Variants in NFATC3 observed in about 807,000 individuals in gnomAD.
NFATC3 encodes nuclear factor of activated T-cells, cytoplasmic 3.
NFATC3 carries 46 observed loss-of-function variants against 98.6 expected under a neutral mutation model. The observed-to-expected ratio is 0.47, with a 90% CI of 0.37 to 0.60. The LOEUF is 0.60. Ranked by LOEUF, NFATC3 falls within the 20% of genes least tolerant of loss-of-function variation. The pLI, the probability that NFATC3 is intolerant of heterozygous loss-of-function variation, is 0.00. For missense variants in NFATC3, 1,256 were observed against 1,295.5 expected, an observed-to-expected ratio of 0.97 and a Z score of 0.47; for synonymous variants, 512 against 472.2, an observed-to-expected ratio of 1.08 and a Z score of -1.09.
intron 6 of NFATC3, among the ~76,000 whole-genome samples, chr16:68,177,595 TTTA>T (rs1246941316): frequency 5.9e-5 from 9 of 152,114 alleles, no homozygotes; most frequent in Non-Finnish European, 5.9e-5. Context: ...TTTTACTTTT[TTTA>T]TTATGTTTTT....
intron 7 of NFATC3, 90 bp downstream of exon 7, chr16:68,181,620 G>C (rs540168480): frequency 1.5e-4 from 146 of 967,370 alleles, no homozygotes; most frequent in Middle Eastern, 5.1e-4. Flanking sequence ...TGACTCTTTT[G>C]TATATTGATT....
In NFATC3 at chr16:68,191,336, A is replaced by G. The variant is rs781627787; in HGVS notation, c.2667A>G (p.Thr889=). Reference sequence around the variant, plus strand: ...CAATGGGATATCATTGTTCAAATACAGGACAAAGATCTCTTTCTTCTCCAG... The same window carrying G: ...CAATGGGATATCATTGTTCAAATACGGGACAAAGATCTCTTTCTTCTCCAG... ...LQSMGYHCSN[T]GQRSLSSPVA... Residue 889 remains threonine, a synonymous_variant, in exon 9 of 10, where the codon ACA becomes ACG. Transcript: ENST00000346183. The G allele has an allele frequency of 6.2e-7, 1 of 1,614,150 alleles. No homozygotes were observed. Among genetic ancestry groups the G allele is most frequent in the Non-Finnish European group, 8.5e-7 (1 of 1,180,018 alleles).
At chr16:68,134,651 C>G (rs972258494) in intron 3 of NFATC3, among the ~76,000 whole-genome samples, 4 of 151,846 alleles carry the variant, frequency 2.6e-5, no homozygotes, top group Non-Finnish European at 4.4e-5. Context: ...AAACTCAGGG[C>G]AAAAAAGGAT....
At chr16:68,183,218 C>G (rs754236601) in intron 7 of NFATC3, 22 bp from the exon 8 acceptor site, 2 of 1,559,420 alleles carry the variant, frequency 1.3e-6, no homozygotes, top group Non-Finnish European at 1.7e-6. Flanking sequence ...GAGTGTAACA[C>G]AATCTTGCTT....
chr16:68,085,843 T>G (rs2034337427), intron 1 of NFATC3, 59 bp downstream of exon 1: 1 of 1,270,140 alleles, frequency 7.9e-7, no homozygotes, highest in African/African-American at 1.6e-5. Context: ...GCAGGATCTC[T>G]CGCTCCCTCC....
chr16:68,155,346 A>G (rs1203894114), intron 3 of NFATC3, among the ~76,000 whole-genome samples: 1 of 152,228 alleles, frequency 6.6e-6, no homozygotes, highest in Admixed American at 6.5e-5. Context: ...GCTGTCATTT[A>G]CAAAGACTGA....
intron 1 of NFATC3, chr16:68,088,898 C>G (rs1392312466): frequency 2.4e-6 from 2 of 819,216 alleles, no homozygotes; most frequent in East Asian, 2.5e-4. Flanking sequence ...TCTGGAACTC[C>G]TGGGCTCTCC....
chr16:68,167,435 G>A (rs1486403987), intron 5 of NFATC3, among the ~76,000 whole-genome samples: 1 of 152,148 alleles, frequency 6.6e-6, no homozygotes, highest in Non-Finnish European at 1.5e-5. Flanking sequence ...AGCTAAATAA[G>A]ACTTAACAGA....
chr16:68,164,169 G>A (rs1422561749), intron 4 of NFATC3, among the ~76,000 whole-genome samples: 2 of 152,250 alleles, frequency 1.3e-5, no homozygotes, highest in African/African-American at 4.8e-5. Context: ...GGAGGCCGAG[G>A]CTGGCGGATC....
At chr16:68,209,078 G>C (rs1041736427) in intron 9 of NFATC3, among the ~76,000 whole-genome samples, 3 of 152,142 alleles carry the variant, frequency 2.0e-5, no homozygotes, top group Admixed American at 6.5e-5. Flanking sequence ...TGTGATCTTA[G>C]GGGGAAAGCT....
intron 6 of NFATC3, 86 bp from the exon 7 acceptor site, chr16:68,181,389 A>G: frequency 1.1e-6 from 1 of 895,872 alleles, no homozygotes; most frequent in Non-Finnish European, 1.8e-6. Context: ...TTGTTAATAA[A>G]TTTGTGATAC....
chr16:68,217,656 A>G, intron 9 of NFATC3: 1 of 1,231,244 alleles, frequency 8.1e-7, no homozygotes, highest in Non-Finnish European at 1.0e-6. Flanking sequence ...CTCACACCTC[A>G]TGATAATTCA....
At chr16:68,162,114 C>T (rs1164939630) in intron 4 of NFATC3, among the ~76,000 whole-genome samples, 1 of 152,166 alleles carries the variant, frequency 6.6e-6, no homozygotes, top group Non-Finnish European at 1.5e-5. Flanking sequence ...ACACACATAC[C>T]TAAAACTTCT....
intron 1 of NFATC3, among the ~76,000 whole-genome samples, chr16:68,105,845 T>A (rs573136048): frequency 6.6e-6 from 1 of 152,128 alleles, no homozygotes; most frequent in African/African-American, 2.4e-5. Context: ...CCTTCTAGAT[T>A]GTCTAATTTG....
chr16:68,098,300 A>ATTATTAT (rs1461722980), intron 1 of NFATC3, among the ~76,000 whole-genome samples: 1 of 94,340 alleles, frequency 1.1e-5, no homozygotes, highest in African/African-American at 4.5e-5. Context: ...TATTATTATT[A>ATTATTAT]TTTTTTTTTT....
intron 9 of NFATC3, among the ~76,000 whole-genome samples, chr16:68,202,531 G>A (rs1020689843): frequency 1.6e-4 from 25 of 152,172 alleles, no homozygotes; most frequent in African/African-American, 6.0e-4. Context: ...ATAAAACAAG[G>A]CAAGGCGCGG....
At chr16:68,144,891 C>T (rs2037954125) in intron 3 of NFATC3, among the ~76,000 whole-genome samples, 1 of 152,126 alleles carries the variant, frequency 6.6e-6, no homozygotes, top group Admixed American at 6.5e-5. Flanking sequence ...CTCTTGACCT[C>T]AGGTGATCCA....
chr16:68,191,598 C>G lies in NFATC3; in HGVS notation c.2929C>G (p.Gln977Glu). ...AATGCATTCTGGACAGCACTCAACT[C>G]AAGCACAAAGTACGGGCCAGGGGGG... ...TRMHSGQHST[Q>E]AQSTGQGGLS... Residue 977 changes from glutamine (Q) to glutamate (E), a missense_variant, in exon 9 of 10, where the codon CAA (glutamine) becomes GAA (glutamate). Physicochemically the swap from Gln to Glu is conservative, Grantham distance 29. This residue lies in a region of NFATC3 where 636 missense variants were observed against 617.3 expected (regional missense o/e 1.03). Transcript: ENST00000346183. 2.5e-6 allele frequency: 4 copies of G among 1,614,132 alleles called. No individual in the cohort carries two copies. Among genetic ancestry groups the G allele is most frequent in the South Asian group, 1.1e-5 (1 of 91,074 alleles).
intron 6 of NFATC3, among the ~76,000 whole-genome samples, chr16:68,176,023 G>A (rs901076462): frequency 6.6e-5 from 10 of 151,462 alleles, no homozygotes; most frequent in African/African-American, 2.4e-4. Context: ...CTGTTACCCC[G>A]GCTGGAGTGC....
Sources: allele counts gnomAD v4.1 joint callset (sites outside exome capture counted in the v4.1 genomes callset), GRCh38; gene constraint gnomAD v4.1.1; regional missense constraint gnomAD v4.1.1; transcripts MANE v1.5; gene names NCBI Gene and HGNC (gene_info 2026-07-23, HGNC 2026-07-21).